Variants in RIMS1 observed in about 807,000 individuals in gnomAD.
RIMS1 encodes the protein regulating synaptic membrane exocytosis 1.
A neutral mutation model predicts 214.1 loss-of-function variants in RIMS1; 83 were observed. That is an observed-to-expected ratio of 0.39 (90% CI 0.32 to 0.47). The LOEUF (loss-of-function observed/expected upper bound fraction) is 0.47, where lower values mean the gene tolerates loss of function less well. RIMS1 is among the 20% of genes least tolerant of loss of function. RIMS1 has a pLI of 0.99. For missense variants in RIMS1, 2,050 were observed against 2,161.8 expected (o/e 0.95, Z 1.03); for synonymous variants, 793 against 786.8 (o/e 1.01, Z -0.13).
intron 6 of RIMS1, among the ~76,000 whole-genome samples, chr6:72,232,060 A>AT (rs1410178613): frequency 2.0e-5 from 3 of 151,632 alleles, no homozygotes; most frequent in Admixed American, 1.3e-4. Context: ...AATTTTTGTC[A>AT]TTTTTTTAAA....
chr6:72,225,878 C>A (rs1020947461), intron 6 of RIMS1, among the ~76,000 whole-genome samples: 1 of 152,068 alleles, frequency 6.6e-6, no homozygotes, highest in African/African-American at 2.4e-5. Context: ...GGTTATCTTA[C>A]TATTCTATAT....
chr6:72,189,158 A>G (rs2049626587), intron 6 of RIMS1, among the ~76,000 whole-genome samples: 1 of 152,156 alleles, frequency 6.6e-6, no homozygotes, highest in Non-Finnish European at 1.5e-5. Flanking sequence ...AATCCTGGCT[A>G]AGGGAGAAAC....
intron 2 of RIMS1, among the ~76,000 whole-genome samples, chr6:72,024,782 A>G (rs1339513514): frequency 6.6e-6 from 1 of 152,020 alleles, no homozygotes; most frequent in East Asian, 1.9e-4. Flanking sequence ...TTTTTTCTGA[A>G]TAGAATAGTA....
chr6:72,013,096 A>C (rs530720489), intron 2 of RIMS1, among the ~76,000 whole-genome samples: 1 of 152,252 alleles, frequency 6.6e-6, no homozygotes, highest in African/African-American at 2.4e-5. Context: ...ATGACTCTTA[A>C]AGTCCCTTCA....
At chr6:72,143,622 G>C (rs148321304) in intron 4 of RIMS1, among the ~76,000 whole-genome samples, 1 of 152,188 alleles carries the variant, frequency 6.6e-6, no homozygotes, top group East Asian at 1.9e-4. Flanking sequence ...AAGGTTCTAC[G>C]TTGAAACCTT....
In RIMS1 at chr6:72,290,880, C is replaced by A; in HGVS notation, c.3737+19C>A. The A allele has an allele frequency of 1.2e-6, 2 of 1,609,130 alleles. No individual in the cohort carries two copies. The highest frequency in any genetic ancestry group is 2.2e-5 in the East Asian group (1 of 44,796). On this transcript the variant is annotated intron_variant, in intron 25 of 33. Coordinates refer to ENST00000521978, the MANE Select transcript of RIMS1 (RefSeq NM_014989.7). ...TGACAAGGTCGCTATTCAGTGTCCC[C>A]CTCAGCATTCATGTCCTGCCTCCGG...
At chr6:72,275,877 C>T (rs985338443) in intron 23 of RIMS1, among the ~76,000 whole-genome samples, 2 of 152,148 alleles carry the variant, frequency 1.3e-5, no homozygotes, top group South Asian at 2.1e-4. Context: ...CAGACAAAGT[C>T]CTGGCCATCA....
intron 6 of RIMS1, among the ~76,000 whole-genome samples, chr6:72,214,241 A>G (rs1222922477): frequency 6.6e-6 from 1 of 152,176 alleles, no homozygotes; most frequent in Non-Finnish European, 1.5e-5. Flanking sequence ...TTAGTTTATT[A>G]AATTGCATTT....
chr6:72,159,266 T>C (rs1249090351), intron 4 of RIMS1, among the ~76,000 whole-genome samples: 2 of 141,240 alleles, frequency 1.4e-5, no homozygotes, highest in African/African-American at 4.9e-5. Context: ...TCTTGTAAAT[T>C]TGAGTTCACT....
At chr6:72,007,076 G>A (rs1451504196) in intron 2 of RIMS1, among the ~76,000 whole-genome samples, 6 of 152,196 alleles carry the variant, frequency 3.9e-5, no homozygotes, top group African/African-American at 9.6e-5. Context: ...GCCCCCCCAA[G>A]TAGGGGCAGA....
chr6:72,089,289 C>A (rs895520962), intron 2 of RIMS1, among the ~76,000 whole-genome samples: 1 of 152,146 alleles, frequency 6.6e-6, no homozygotes, highest in Non-Finnish European at 1.5e-5. Flanking sequence ...CACGACAACA[C>A]ACTGGGCATC....
rs2044263360 is a variant in RIMS1, at chr6:72,155,134, C to G, written c.472-24441C>G. Among the ~76,000 whole-genome samples, 2 of 140,672 alleles carry G rather than the reference C, an allele frequency of 1.4e-5. 1 individual carries two copies. The allele number at this position is 140,672 out of a possible 152,430, so 92.3% of individuals were successfully genotyped here. A position where few individuals can be genotyped will look rare whatever the true frequency, so the allele number is the denominator to read the frequency against. ...TGGCTGGCCAGGAAACCATTTTCTCCTAGGCCTCCAGGCCTGTGATGAGAG... is the reference window on the plus strand; with the variant it reads ...TGGCTGGCCAGGAAACCATTTTCTCGTAGGCCTCCAGGCCTGTGATGAGAG... On this transcript the variant is annotated intron_variant, in intron 4 of 33. Transcript: ENST00000521978.
intron 1 of RIMS1, 128 bp downstream of exon 1, chr6:71,887,315 G>GC: frequency 8.1e-7 from 1 of 1,236,500 alleles, no homozygotes; most frequent in Admixed American, 2.1e-5. Context: ...GGACGGAGGC[G>GC]CCCGCCTTGG....
At position 72,209,581 on chromosome 6, in the gene RIMS1, C is replaced by A. The variant is rs1226849741; in HGVS notation, c.1679-24192C>A. On this transcript the variant is annotated intron_variant, in intron 6 of 33. Coordinates refer to ENST00000521978, the MANE Select transcript of RIMS1 (RefSeq NM_014989.7). ...CTGGGCTATGTCAGTTGGACTTTGT[C>A]TTGAAATATTTTAAGTTTCAGCAAA... Among the ~76,000 whole-genome samples the A allele has an allele frequency of 2.0e-5, 3 of 152,192 alleles. No individual in the cohort carries two copies. The East Asian group carries it at 5.8e-4, about 29-fold the overall frequency.
At chr6:72,088,117 T>C (rs1289748075) in intron 2 of RIMS1, among the ~76,000 whole-genome samples, 1 of 152,174 alleles carries the variant, frequency 6.6e-6, no homozygotes, top group Admixed American at 6.5e-5. Context: ...ACTGCTGATT[T>C]ATTTGGAATA....
In RIMS1 at chr6:72,156,001, C is replaced by T. The variant is rs1342984663; in HGVS notation, c.472-23574C>T. ...GGTGAGGATATGGAGAAAAAAATAA[C>T]ACTTATACCCTGTTGGTAGGAATGT... On this transcript the variant is annotated intron_variant, in intron 4 of 33. Transcript: ENST00000521978. 2 of 278,080 alleles carry T rather than the reference C, an allele frequency of 7.2e-6. 1 individual carries two copies. Among genetic ancestry groups the T allele is most frequent in the Non-Finnish European group, 1.5e-5 (2 of 137,220 alleles). 17.2% of individuals were successfully genotyped at this position (278,080 alleles called of 1,614,324 possible).
chr6:71,957,720 T>C (rs190422046), intron 1 of RIMS1, among the ~76,000 whole-genome samples: 1 of 150,532 alleles, frequency 6.6e-6, no homozygotes, highest in Non-Finnish European at 1.5e-5. Context: ...CTAAATGACA[T>C]GACAGTGTAT....
chr6:72,006,836 C>G (rs985023292), intron 2 of RIMS1, among the ~76,000 whole-genome samples: 4 of 152,220 alleles, frequency 2.6e-5, no homozygotes, highest in African/African-American at 9.6e-5. Context: ...GAAGCTCGAA[C>G]TTGGTGGAGC....
chr6:72,282,406 A>G (rs1190708802), intron 23 of RIMS1, among the ~76,000 whole-genome samples: 2 of 151,942 alleles, frequency 1.3e-5, no homozygotes, highest in African/African-American at 4.8e-5. Context: ...ACCACCCATG[A>G]TCCCCTCTCC....
Sources: allele counts gnomAD v4.1 joint callset (sites outside exome capture counted in the v4.1 genomes callset), GRCh38; gene constraint gnomAD v4.1.1; transcripts MANE v1.5; gene names NCBI Gene and HGNC (gene_info 2026-07-23, HGNC 2026-07-21).